Variants in SRPK2 observed in about 807,000 individuals in gnomAD.
SRPK2 encodes the protein SRSF protein kinase 2, also known as SFRS protein kinase 2.
A neutral mutation model predicts 90.8 loss-of-function variants in SRPK2; 21 were observed. The ratio of observed to expected loss-of-function variants is 0.23; its 90% confidence interval spans 0.16 to 0.33. SRPK2 has a LOEUF of 0.33. Ranked by LOEUF, SRPK2 falls within the 10% of genes least tolerant of loss-of-function variation. The probability of loss-of-function intolerance (pLI) is 1.00; values close to 1 mark genes in which losing one functional copy is unlikely to be tolerated. For synonymous variants in SRPK2, 288 were observed against 311.1 expected (o/e 0.93, Z 0.78); for missense variants, 620 against 869.0 (o/e 0.71, Z 3.60).
intron 2 of SRPK2, among the ~76,000 whole-genome samples, chr7:105,370,700 C>G (rs563981057): frequency 2.2e-4 from 33 of 149,388 alleles, no homozygotes; most frequent in African/African-American, 7.6e-4. Flanking sequence ...ACTGCAACCT[C>G]TGCCTCCCAG....
At chr7:105,140,962 T>C (rs935098816) in intron 11 of SRPK2, among the ~76,000 whole-genome samples, 2 of 141,610 alleles carry the variant, frequency 1.4e-5, no homozygotes, top group Non-Finnish European at 1.6e-5. Context: ...CTCAATCTCA[T>C]AAAAAAAAAA....
intron 2 of SRPK2, among the ~76,000 whole-genome samples, chr7:105,287,766 T>C (rs531188915): frequency 6.6e-6 from 1 of 152,202 alleles, no homozygotes; most frequent in Admixed American, 6.5e-5. Context: ...AACTATAAAA[T>C]GATATTCCTT....
intron 3 of SRPK2, among the ~76,000 whole-genome samples, chr7:105,199,734 G>A (rs1795316418): frequency 1.3e-5 from 2 of 152,074 alleles, no homozygotes; most frequent in Admixed American, 1.3e-4. Flanking sequence ...TAAACTCATG[G>A]ATTTCAAAAC....
At chr7:105,301,452 G>C in intron 2 of SRPK2, 1 of 858,258 alleles carries the variant, frequency 1.2e-6, no homozygotes, top group Non-Finnish European at 1.9e-6. Context: ...CCTCTGGGCC[G>C]CTGCCCTCGC....
At chr7:105,297,718 A>G (rs1198045460) in intron 2 of SRPK2, among the ~76,000 whole-genome samples, 1 of 150,082 alleles carries the variant, frequency 6.7e-6, no homozygotes, top group Non-Finnish European at 1.5e-5. Context: ...TTTTATTTTC[A>G]TCTTTAATTA....
intron 6 of SRPK2, among the ~76,000 whole-genome samples, chr7:105,166,481 T>A (rs1375043089): frequency 6.6e-6 from 1 of 152,208 alleles, no homozygotes; most frequent in Non-Finnish European, 1.5e-5. Flanking sequence ...GGACATGACT[T>A]CTAGGATTTG....
intron 3 of SRPK2, among the ~76,000 whole-genome samples, chr7:105,197,051 AAAAATAAAAT>A (rs1178556458): frequency 1.3e-5 from 2 of 152,128 alleles, no homozygotes; most frequent in African/African-American, 4.8e-5. Flanking sequence ...CCATCTCATA[AAAAATAAAAT>A]AAAATAAATC....
At chr7:105,140,886 G>A (rs766008662) in intron 11 of SRPK2, among the ~76,000 whole-genome samples, 9 of 150,722 alleles carry the variant, frequency 6.0e-5, no homozygotes, top group Non-Finnish European at 1.3e-4. Flanking sequence ...GCTTGAACCC[G>A]GGAGGCAGAG....
At chr7:105,315,886 C>T (rs1033273118) in intron 2 of SRPK2, among the ~76,000 whole-genome samples, 5 of 152,176 alleles carry the variant, frequency 3.3e-5, no homozygotes, top group Non-Finnish European at 5.9e-5. Context: ...TGGTTTTCCT[C>T]CTAACCCTCT....
upstream of SRPK2, chr7:105,389,441 C>G (rs558385151): frequency 8.4e-7 from 1 of 1,190,706 alleles, no homozygotes; most frequent in African/African-American, 1.6e-5. Flanking sequence ...CCTGGGTCCG[C>G]GATTAGCGGT....
In SRPK2 at chr7:105,160,680, C is replaced by T. The variant is rs1428018936; in HGVS notation, c.515-67G>A. 4.6e-6 allele frequency: 4 copies of T among 870,536 alleles called. No individual in the cohort carries two copies. In the Admixed American group the frequency reaches 7.4e-5, roughly 16 times the overall value. 53.9% of individuals were successfully genotyped at this position (870,536 alleles called of 1,614,324 possible). A position where few individuals can be genotyped will look rare whatever the true frequency, so the allele number is the denominator to read the frequency against. On this transcript the variant is annotated intron_variant, in intron 6 of 15. Coordinates refer to ENST00000393651, the MANE Select transcript of SRPK2 (RefSeq NM_182692.3). ...AGTGAGGCAGTTATTGAAAGCAGCA[C>T]CATTGTGTCACTTGCAAAGCACTTA...
chr7:105,353,503 TTTGTTGTTGTTGTTGTTG>T (rs34789062), intron 2 of SRPK2, among the ~76,000 whole-genome samples: 1 of 146,092 alleles, frequency 6.8e-6, no homozygotes, highest in African/African-American at 2.5e-5. Flanking sequence ...TCCAGCCCAG[TTTGTTGTTGTTGTTGTTG>T]TTGTTGTTGT....
At chr7:105,170,907 GAAA>G (rs1563025975) in intron 3 of SRPK2, among the ~76,000 whole-genome samples, 19 of 84,610 alleles carry the variant, frequency 2.2e-4, no homozygotes, top group East Asian at 1.9e-3. Context: ...AAGAAAGAAA[GAAA>G]GAAAGGAGAA....
intron 2 of SRPK2, among the ~76,000 whole-genome samples, chr7:105,344,031 T>C (rs1314329498): frequency 6.6e-6 from 1 of 152,190 alleles, no homozygotes; most frequent in East Asian, 1.9e-4. Flanking sequence ...CCCAAAGTGC[T>C]GGGATTATAG....
chr7:105,290,275 A>C (rs1453701654), intron 2 of SRPK2, among the ~76,000 whole-genome samples: 1 of 152,112 alleles, frequency 6.6e-6, no homozygotes, highest in Non-Finnish European at 1.5e-5. Flanking sequence ...TAAAAAAAAA[A>C]CAGCCTGGAC....
chr7:105,155,550 G>T (rs1029508395), intron 7 of SRPK2, among the ~76,000 whole-genome samples: 2 of 152,152 alleles, frequency 1.3e-5, no homozygotes, highest in African/African-American at 4.8e-5. Flanking sequence ...GCTGATACTG[G>T]CTCTGAGGGG....
chr7:105,241,470 C>T (rs147501444), intron 2 of SRPK2, among the ~76,000 whole-genome samples: 110 of 152,274 alleles, frequency 7.2e-4, no homozygotes, highest in Middle Eastern at 3.4e-3. Flanking sequence ...CCATCCACCC[C>T]TCTTCAGCAT....
At chr7:105,262,514 A>G (rs1804444556) in intron 2 of SRPK2, among the ~76,000 whole-genome samples, 1 of 152,186 alleles carries the variant, frequency 6.6e-6, no homozygotes, top group Non-Finnish European at 1.5e-5. Context: ...TCTTCTTTAT[A>G]TATTTTACAT....
intron 2 of SRPK2, among the ~76,000 whole-genome samples, chr7:105,295,085 G>A (rs1437048847): frequency 6.6e-6 from 1 of 151,652 alleles, no homozygotes; most frequent in Non-Finnish European, 1.5e-5. Flanking sequence ...GGTGGCATGC[G>A]CCTGTAGTCC....
Sources: allele counts gnomAD v4.1 joint callset (sites outside exome capture counted in the v4.1 genomes callset), GRCh38; gene constraint gnomAD v4.1.1; transcripts MANE v1.5; gene names NCBI Gene and HGNC (gene_info 2026-07-23, HGNC 2026-07-21).